Variants in GPHN observed in about 807,000 individuals in gnomAD.
GPHN encodes the protein gephyrin.
GPHN carries 17 observed loss-of-function variants against 95.5 expected under a neutral mutation model. The observed-to-expected ratio is 0.18, with a 90% CI of 0.12 to 0.27. The LOEUF (loss-of-function observed/expected upper bound fraction) is 0.27. GPHN is among the 10% of genes least tolerant of loss of function. The pLI is 1.00. For synonymous variants in GPHN, 320 were observed against 322.5 expected, an observed-to-expected ratio of 0.99 and a Z score of 0.08; for missense variants, 660 against 978.1, an observed-to-expected ratio of 0.67 and a Z score of 4.34.
At chr14:67,490,204 G>A in the GPHN span, among the ~76,000 whole-genome samples, 3 of 152,318 alleles carry the variant, frequency 2.0e-5, no homozygotes, top group African/African-American at 7.2e-5. Context: ...CATCACAGAT[G>A]AGCCATACAT....
chr14:67,211,585 A>G, the GPHN span, among the ~76,000 whole-genome samples: 1 of 152,234 alleles, frequency 6.6e-6, no homozygotes, highest in Non-Finnish European at 1.5e-5. Context: ...TTAAAGTAAA[A>G]ATTATTTTAA....
chr14:67,406,361 C>T, the GPHN span, among the ~76,000 whole-genome samples: 1 of 151,876 alleles, frequency 6.6e-6, no homozygotes, highest in Non-Finnish European at 1.5e-5. Context: ...TCAGGAGAGG[C>T]TGAGGTGGGG....
At chr14:67,375,232 CTGTGTGTG>C in the GPHN span, among the ~76,000 whole-genome samples, 20,632 of 137,528 alleles carry the variant, frequency 0.15, 1,529 homozygotes, top group Non-Finnish European at 0.18. Context: ...ATCCTCAGTT[CTGTGTGTG>C]TGTGTGTGTG....
chr14:66,636,501 TAATAAA>T (rs1754188589), intron 1 of GPHN, among the ~76,000 whole-genome samples: 2 of 152,002 alleles, frequency 1.3e-5, no homozygotes, highest in South Asian at 2.1e-4. Context: ...AAAAATAAAA[TAATAAA>T]AATAAAAAAC....
chr14:67,512,330 TAAG>T, the GPHN span, among the ~76,000 whole-genome samples: 1 of 152,110 alleles, frequency 6.6e-6, no homozygotes, highest in Admixed American at 6.5e-5. Context: ...TGATGTAGAG[TAAG>T]AAGAAGATCT....
chr14:66,758,354 G>A (rs555489788), intron 2 of GPHN, among the ~76,000 whole-genome samples: 122 of 152,240 alleles, frequency 8.0e-4, no homozygotes, highest in Non-Finnish European at 1.3e-3. Context: ...CCTCTGAAAA[G>A]GTACCTCTAA....
intron 1 of GPHN, among the ~76,000 whole-genome samples, chr14:66,565,353 G>T (rs528796679): frequency 2.0e-5 from 3 of 152,016 alleles, no homozygotes; most frequent in Non-Finnish European, 4.4e-5. Context: ...CCGCAGCAGT[G>T]TATGGCTGGA....
intron 1 of GPHN, among the ~76,000 whole-genome samples, chr14:66,589,437 T>G (rs1351589773): frequency 1.3e-5 from 2 of 151,992 alleles, no homozygotes; most frequent in East Asian, 3.9e-4. Flanking sequence ...ATACACAGAC[T>G]GGTAAATTGG....
the GPHN span, chr14:67,726,222 G>A: frequency 1.1e-6 from 1 of 952,126 alleles, no homozygotes; most frequent in Non-Finnish European, 1.7e-6. Context: ...AGATGACACT[G>A]TGTAAATGTG....
intron 8 of GPHN, among the ~76,000 whole-genome samples, chr14:66,941,748 A>G (rs1208946419): frequency 6.6e-6 from 1 of 152,086 alleles, no homozygotes; most frequent in Non-Finnish European, 1.5e-5. Context: ...CTTTTATTGC[A>G]CTGATCCAAA....
At chr14:66,579,085 A>G (rs1226845306) in intron 1 of GPHN, among the ~76,000 whole-genome samples, 1 of 151,842 alleles carries the variant, frequency 6.6e-6, no homozygotes, top group Non-Finnish European at 1.5e-5. Context: ...TTGGTGGGTA[A>G]TAAAATTGTA....
intron 1 of GPHN, among the ~76,000 whole-genome samples, chr14:66,565,832 C>T (rs1022413598): frequency 2.6e-5 from 4 of 152,078 alleles, no homozygotes; most frequent in Non-Finnish European, 5.9e-5. Flanking sequence ...CATTTCACCA[C>T]ACTTAACATG....
intron 10 of GPHN, among the ~76,000 whole-genome samples, chr14:67,053,180 T>G (rs535541701): frequency 6.7e-6 from 1 of 148,690 alleles, no homozygotes; most frequent in East Asian, 1.9e-4. Context: ...GGTTTGTTTT[T>G]TTTTTTTTTG....
chr14:66,703,833 C>G (rs2068792326), intron 2 of GPHN, among the ~76,000 whole-genome samples: 3 of 151,942 alleles, frequency 2.0e-5, no homozygotes, highest in African/African-American at 7.3e-5. Flanking sequence ...ATTAAAAACA[C>G]AGATTGGCAA....
intron 4 of GPHN, among the ~76,000 whole-genome samples, chr14:66,845,958 C>T (rs2062319529): frequency 6.6e-6 from 1 of 151,848 alleles, no homozygotes; most frequent in Non-Finnish European, 1.5e-5. Flanking sequence ...ACCGTAGTGG[C>T]CTAGACCTTA....
chr14:67,674,668 C>T, the GPHN span: 1 of 482,894 alleles, frequency 2.1e-6, no homozygotes, highest in Non-Finnish European at 3.6e-6. Flanking sequence ...CCCACCTTCT[C>T]CAGCCAGTGA....
At position 66,794,599 on chromosome 14, in the gene GPHN, A is replaced by G. The variant is rs1416798911; in HGVS notation, c.201+18078A>G. On this transcript the variant is annotated intron_variant, in intron 3 of 22. Transcript: ENST00000478722. ...TATAAAAAGGTGCTTCCCTTTAACT[A>G]TTATTTAGTTATGAATTGATACAGT... is the stretch of plus-strand genomic sequence containing the variant. 2.6e-5 allele frequency among the ~76,000 whole-genome samples: 4 copies of G among 152,192 alleles called. No homozygotes were observed. In the East Asian group the frequency reaches 7.7e-4, roughly 29 times the overall value.
the GPHN span, among the ~76,000 whole-genome samples, chr14:67,303,035 TTTAAA>T: frequency 1.3e-5 from 2 of 152,236 alleles, no homozygotes; most frequent in African/African-American, 2.4e-5. Context: ...GCTATTTCTG[TTTAAA>T]TTAAGTAAAA....
intron 18 of GPHN, among the ~76,000 whole-genome samples, chr14:67,151,842 C>T (rs1437983881): frequency 6.6e-6 from 1 of 152,058 alleles, no homozygotes; most frequent in African/African-American, 2.4e-5. Flanking sequence ...TGCTGTTTCA[C>T]CATGTTGGCC....
Sources: allele counts gnomAD v4.1 joint callset (sites outside exome capture counted in the v4.1 genomes callset), GRCh38; gene constraint gnomAD v4.1.1; transcripts MANE v1.5; gene names NCBI Gene and HGNC (gene_info 2026-07-23, HGNC 2026-07-21).